The following ITPRIP variants were observed in gnomAD, a reference collection of about 807,000 sequenced individuals.
ITPRIP encodes inositol 1,4,5-trisphosphate receptor interacting protein, also known as inositol 1,4,5-trisphosphate receptor-interacting protein.
Under a neutral mutation model 35.8 loss-of-function variants are expected in ITPRIP, and 32 were observed. That is an observed-to-expected ratio of 0.89 (90% CI 0.68 to 1.20). The LOEUF (loss-of-function observed/expected upper bound fraction) is 1.20, where lower values mean the gene tolerates loss of function less well. Among genes scored for constraint, ITPRIP ranks in the 50% most tolerant of loss-of-function variants. The pLI is 0.00. For missense variants in ITPRIP, 653 were observed against 735.6 expected (o/e 0.89, Z 1.30); for synonymous variants, 358 against 324.0 (o/e 1.11, Z -1.13).
At position 104,328,446 on chromosome 10, in the gene ITPRIP, A is replaced by G. The variant is rs2014078043; in HGVS notation, c.-14+9800T>C. On this transcript the variant is annotated intron_variant, in intron 1 of 1. Transcript: ENST00000337478. The surrounding 1 kb of genome is among the most constrained non-coding windows in gnomAD (Gnocchi z 4.1). ...ACACCCCCTGCCTCCAAGCAGAGCC[A>G]CAAACGTTCAGGCAAAACCACACTT... is the stretch of plus-strand genomic sequence containing the variant. 6.6e-6 allele frequency among the ~76,000 whole-genome samples: 1 copy of G among 152,086 alleles called. No individual in the cohort carries two copies. Among genetic ancestry groups the G allele is most frequent in the Non-Finnish European group, 1.5e-5 (1 of 68,022 alleles).
At chr10:104,321,155 T>C (rs1295007087) in intron 1 of ITPRIP, among the ~76,000 whole-genome samples, 1 of 152,164 alleles carries the variant, frequency 6.6e-6, no homozygotes, top group Non-Finnish European at 1.5e-5. Flanking sequence ...CACCTCTGCC[T>C]TGGCCCAAAG....
intron 1 of ITPRIP, 89 bp from the exon 2 acceptor site, chr10:104,316,153 T>TGA: frequency 8.5e-7 from 1 of 1,172,924 alleles, no homozygotes; most frequent in Non-Finnish European, 1.2e-6. Context: ...CCCTCAGGGC[T>TGA]GGTTAAGGTC....
chr10:104,335,384 G>T (rs1177199158), intron 1 of ITPRIP, among the ~76,000 whole-genome samples: 1 of 152,138 alleles, frequency 6.6e-6, no homozygotes, highest in African/African-American at 2.4e-5. Flanking sequence ...GGAAGGTCAG[G>T]ACAGTTGTCT....
intron 1 of ITPRIP, among the ~76,000 whole-genome samples, chr10:104,325,635 C>CT (rs2013981379): frequency 6.6e-6 from 1 of 152,240 alleles, no homozygotes; most frequent in Non-Finnish European, 1.5e-5. Flanking sequence ...ATCCTGGTGA[C>CT]TTTTTTTAAG....
intron 1 of ITPRIP, among the ~76,000 whole-genome samples, chr10:104,320,658 C>T (rs930038073): frequency 1.3e-5 from 2 of 151,952 alleles, no homozygotes; most frequent in Non-Finnish European, 2.9e-5. Flanking sequence ...CTGCCTCAGC[C>T]TCCTGAGTAG....
intron 1 of ITPRIP, among the ~76,000 whole-genome samples, chr10:104,321,768 A>C (rs962164001): frequency 8.8e-5 from 13 of 147,656 alleles, no homozygotes; most frequent in African/African-American, 3.3e-4. Context: ...TGTTTTGCAG[A>C]TGGGTTAACC....
In ITPRIP at chr10:104,314,942, A is replaced by T. The variant is rs766775661; in HGVS notation, c.1110T>A (p.Ser370=). The stretch of plus-strand genomic sequence containing the variant: ...CTGTGCTGGAGGCTGGGGTGCCCTC[A>T]GAGGGCTCCCTGGGAAGGTGGGAGA... ...YFVSHLPREP[S]EGTPASSTDW... is the part of the protein sequence containing the mutation. Residue 370 remains serine, a synonymous_variant, in exon 2 of 2, where the codon TCT becomes TCA. Coordinates refer to ENST00000337478, the MANE Select transcript of ITPRIP (RefSeq NM_001272013.2). 4.3e-6 allele frequency: 7 copies of T among 1,613,644 alleles called. No homozygotes were observed. The South Asian group carries it at 7.7e-5, about 18-fold the overall frequency.
chr10:104,331,605 T>C (rs1252379477), intron 1 of ITPRIP, among the ~76,000 whole-genome samples: 2 of 152,188 alleles, frequency 1.3e-5, no homozygotes, highest in Non-Finnish European at 2.9e-5. Context: ...GCAGTGAGTG[T>C]CCCACTGTGT....
Position 104,313,040 on chromosome 10 carries a change from C to T in ITPRIP, c.*1368G>A, listed in dbSNP as rs2013527080. 1 of 985,324 alleles carries T rather than the reference C, an allele frequency of 1.0e-6. No homozygotes were observed. Among genetic ancestry groups the T allele is most frequent in the Admixed American group, 6.1e-5 (1 of 16,266 alleles). The allele number at this position is 985,324 out of a possible 1,614,324, so 61.0% of individuals were successfully genotyped here. A position where few individuals can be genotyped will look rare whatever the true frequency, so the allele number is the denominator to read the frequency against. ...CCAACCACAGAGCTTCTGCCAGGCT[C>T]TTTGGGTCTGGGTCATCTGTGTGGT... On this transcript the variant is annotated 3_prime_UTR_variant, in exon 2 of 2. Coordinates refer to ENST00000337478, the MANE Select transcript of ITPRIP (RefSeq NM_001272013.2).
At chr10:104,334,305 C>G (rs1392836972) in intron 1 of ITPRIP, among the ~76,000 whole-genome samples, 1 of 152,256 alleles carries the variant, frequency 6.6e-6, no homozygotes, top group Non-Finnish European at 1.5e-5. Context: ...CTGGCCTACG[C>G]AGGGGATGCA....
chr10:104,320,159 G>T (rs1288659131), intron 1 of ITPRIP, among the ~76,000 whole-genome samples: 1 of 152,004 alleles, frequency 6.6e-6, no homozygotes, highest in Admixed American at 6.5e-5. Context: ...GATGAACTAA[G>T]AGTCTGATCT....
rs760051950 is a variant in ITPRIP, at chr10:104,315,021, A to C, written c.1031T>G (p.Met344Arg). 4.3e-6 allele frequency: 7 copies of C among 1,614,156 alleles called. No individual in the cohort carries two copies. The change falls in exon 2 of 2, where the codon ATG becomes AGG. Residue 344 changes from methionine (M) to arginine (R), a missense_variant. By Grantham distance (91) the Met-to-Arg change is moderately conservative. Transcript: ENST00000337478. The surrounding 1 kb of genome is among the most constrained non-coding windows in gnomAD (Gnocchi z 5.7). ...GATCACAGGAATCAGGTTGAAGGGC[A>C]TGAACTTCCCTGAACGGAACTTGAT... ...LKIKFRSGKFMPFNLIPVIQC... is the reference protein window; with the variant it reads ...LKIKFRSGKFRPFNLIPVIQC...
chr10:104,314,349 G>A lies in ITPRIP; in HGVS notation c.*59C>T. On this transcript the variant is annotated 3_prime_UTR_variant, in exon 2 of 2. Transcript: ENST00000337478. ...ACAGGGCTGGCAGATGCCACCAGGG[G>A]TGTGAACGTGAGGGATGCCCTCATC... 1.3e-6 allele frequency: 2 copies of A among 1,551,190 alleles called. No individual in the cohort carries two copies. Among genetic ancestry groups the A allele is most frequent in the Non-Finnish European group, 1.7e-6 (2 of 1,147,872 alleles).
chr10:104,328,501 C>G lies in ITPRIP; in HGVS notation c.-14+9745G>C, dbSNP rs141093285. On this transcript the variant is annotated intron_variant, in intron 1 of 1. Transcript: ENST00000337478. This position sits in a 1 kb window ranked among gnomAD's most constrained non-coding sequence, Gnocchi z 4.1. ...AGTGGGACAGGGAGGGGAGGCTGCA[C>G]GCTTAGACGCAGGCTCTGCACAATA... Among the ~76,000 whole-genome samples the G allele has an allele frequency of 6.6e-6, 1 of 151,968 alleles. No individual in the cohort carries two copies. The highest frequency in any genetic ancestry group is 1.5e-5 in the Non-Finnish European group (1 of 67,980).
intron 1 of ITPRIP, among the ~76,000 whole-genome samples, chr10:104,336,189 G>T (rs1194176880): frequency 6.6e-6 from 1 of 152,190 alleles, no homozygotes; most frequent in African/African-American, 2.4e-5. Flanking sequence ...GCGAAGGACT[G>T]AATAGGCTAG....
In ITPRIP at chr10:104,315,280, C is replaced by A; in HGVS notation, c.772G>T (p.Gly258Cys). 6.2e-7 allele frequency: 1 copy of A among 1,601,248 alleles called. No homozygotes were observed. The highest frequency in any genetic ancestry group is 1.7e-4 in the Middle Eastern group (1 of 6,000). ...ADGDTLSCIC[G>C]KTKLGEDMLC... ...ATGTCTTCCCCGAGCTTGGTCTTGC[C>A]GCAGATGCAGCTCAATGTGTCCCCA... The change falls in exon 2 of 2, where the codon GGC becomes TGC. Residue 258 changes from glycine (G) to cysteine (C), a missense_variant. Gly to Cys is a radical substitution (Grantham distance 159). Coordinates refer to ENST00000337478, the MANE Select transcript of ITPRIP (RefSeq NM_001272013.2). This position sits in a 1 kb window ranked among gnomAD's most constrained non-coding sequence, Gnocchi z 5.7.
Position 104,314,923 on chromosome 10 carries a change from TG to T in ITPRIP, c.1128del (p.Ser377AlafsTer20). On this transcript the variant is annotated frameshift_variant, in exon 2 of 2. Coordinates refer to ENST00000337478, the MANE Select transcript of ITPRIP (RefSeq NM_001272013.2). LOFTEE classifies it high-confidence loss of function. ...GCAAAGGACAGGAGCCAGTCTGTGC[TG>T]GAGGCTGGGGTGCCCTCAGAGGGCT... ...PREPSEGTPA[S>X]STDWLLSFAV... The T allele has an allele frequency of 1.2e-6, 2 of 1,613,750 alleles. No individual in the cohort carries two copies. Among genetic ancestry groups the T allele is most frequent in the Non-Finnish European group, 8.5e-7 (1 of 1,180,002 alleles).
At position 104,314,337 on chromosome 10, in the gene ITPRIP, A is replaced by T; in HGVS notation, c.*71T>A. 6.5e-7 allele frequency: 1 copy of T among 1,533,032 alleles called. No homozygotes were observed. The highest frequency in any genetic ancestry group is 8.8e-7 in the Non-Finnish European group (1 of 1,141,086). 95.0% of individuals were successfully genotyped at this position (1,533,032 alleles called of 1,614,324 possible). A position where few individuals can be genotyped will look rare whatever the true frequency, so the allele number is the denominator to read the frequency against. ...CTTGTCCCCAGAACAGGGCTGGCAG[A>T]TGCCACCAGGGGTGTGAACGTGAGG... On this transcript the variant is annotated 3_prime_UTR_variant, in exon 2 of 2. Transcript: ENST00000337478.
Position 104,314,692 on chromosome 10 carries a change from G to C in ITPRIP, c.1360C>G (p.Leu454Val). Residue 454 changes from leucine to valine, a missense_variant, in exon 2 of 2, where the codon CTG becomes GTG. Transcript: ENST00000337478. ...RQAADWKAGQ[L>V]DARLHELLCF... is the part of the protein sequence containing the mutation. ...AGCAACTCGTGCAGACGAGCGTCCA[G>C]CTGCCCCGCCTTCCAGTCGGCGGCC... 6.2e-7 allele frequency: 1 copy of C among 1,613,808 alleles called. No homozygotes were observed. The highest frequency in any genetic ancestry group is 8.5e-7 in the Non-Finnish European group (1 of 1,179,886).
Sources: allele counts gnomAD v4.1 joint callset (sites outside exome capture counted in the v4.1 genomes callset), GRCh38; gene constraint gnomAD v4.1.1; non-coding constraint Gnocchi (gnomAD v3.1); transcripts MANE v1.5; gene names NCBI Gene and HGNC (gene_info 2026-07-23, HGNC 2026-07-21).